Variants in VPS35L observed in about 807,000 individuals in gnomAD.
VPS35L encodes the protein VPS35 endosomal protein-sorting factor-like.
VPS35L carries 83 observed loss-of-function variants against 133.0 expected under a neutral mutation model. The observed-to-expected ratio is 0.62, with a 90% CI of 0.52 to 0.75. VPS35L has a LOEUF of 0.75. Among genes scored for constraint, VPS35L ranks in the 30% least tolerant of loss-of-function variants. The pLI is 0.00. For missense variants in VPS35L, 1,083 were observed against 1,206.8 expected, an observed-to-expected ratio of 0.90 and a Z score of 1.52; for synonymous variants, 423 against 449.9, an observed-to-expected ratio of 0.94 and a Z score of 0.76.
chr16:19,616,063 T>C, intron 12 of VPS35L, 51 bp from the exon 13 acceptor site: 1 of 1,402,552 alleles, frequency 7.1e-7, no homozygotes, highest in Non-Finnish European at 9.9e-7. Context: ...AAAAATAAAA[T>C]CATACTATAG....
chr16:19,689,403 C>T (rs900030084), intron 28 of VPS35L, among the ~76,000 whole-genome samples: 10 of 151,204 alleles, frequency 6.6e-5, no homozygotes, highest in Admixed American at 2.6e-4. Context: ...CCCAAGTAGC[C>T]GGGACTACAA....
chr16:19,557,119 G>C (rs1403685374), intron 1 of VPS35L, among the ~76,000 whole-genome samples: 1 of 152,018 alleles, frequency 6.6e-6, no homozygotes, highest in Non-Finnish European at 1.5e-5. Context: ...GCAACAGTGA[G>C]ACTCTGTCTC....
intron 13 of VPS35L, 119 bp from the exon 14 acceptor site, chr16:19,616,567 C>A: frequency 1.6e-6 from 2 of 1,231,600 alleles, no homozygotes; most frequent in Non-Finnish European, 2.2e-6. Flanking sequence ...AGAAACCAGG[C>A]TATTTCTCTC....
At chr16:19,632,027 T>A (rs1973472095) in intron 18 of VPS35L, among the ~76,000 whole-genome samples, 1 of 152,162 alleles carries the variant, frequency 6.6e-6, no homozygotes, top group African/African-American at 2.4e-5. Flanking sequence ...AGTGGCATGA[T>A]CTCAGCTCAC....
At chr16:19,677,832 G>C (rs1446306570) in intron 27 of VPS35L, among the ~76,000 whole-genome samples, 2 of 152,080 alleles carry the variant, frequency 1.3e-5, no homozygotes, top group African/African-American at 4.8e-5. Context: ...AAGAACATAC[G>C]AGCTCACCTG....
chr16:19,627,578 C>T, intron 15 of VPS35L, 116 bp from the exon 16 acceptor site: 8 of 791,716 alleles, frequency 1.0e-5, no homozygotes, highest in Admixed American at 8.7e-5. Flanking sequence ...TTTTGTTTTT[C>T]CCCAACCCTA....
chr16:19,616,383 T>C (rs539013452), intron 13 of VPS35L, among the ~76,000 whole-genome samples, 192 bp downstream of exon 13: 2 of 152,302 alleles, frequency 1.3e-5, no homozygotes, highest in African/African-American at 2.4e-5. Flanking sequence ...AGAAAGTTAA[T>C]ATGCATGTGT....
At chr16:19,610,458 C>CG in intron 12 of VPS35L, 43 bp downstream of exon 12, 1 of 1,514,942 alleles carries the variant, frequency 6.6e-7, no homozygotes, top group Non-Finnish European at 9.1e-7. Context: ...CGGCTGCCAC[C>CG]CGTCTCCTTG....
At chr16:19,590,134 G>A (rs1157988809) in intron 7 of VPS35L, among the ~76,000 whole-genome samples, 3 of 20,620 alleles carry the variant, frequency 1.5e-4, no homozygotes, top group Non-Finnish European at 2.0e-4. Context: ...TTACATTCCC[G>A]CCCCGCCCCC....
At chr16:19,574,827 G>A (rs1194555173) in intron 4 of VPS35L, among the ~76,000 whole-genome samples, 1 of 152,162 alleles carries the variant, frequency 6.6e-6, no homozygotes, top group Non-Finnish European at 1.5e-5. Context: ...AATGGCAGTA[G>A]TGTAGAGGGT....
chr16:19,681,006 A>C (rs1195960121), intron 27 of VPS35L, among the ~76,000 whole-genome samples: 1 of 151,400 alleles, frequency 6.6e-6, no homozygotes, highest in Non-Finnish European at 1.5e-5. Flanking sequence ...TAAAGAGCTA[A>C]TGTGTAAGAT....
intron 28 of VPS35L, among the ~76,000 whole-genome samples, chr16:19,691,049 C>G (rs866409553): frequency 1.3e-5 from 2 of 152,222 alleles, no homozygotes; most frequent in African/African-American, 2.4e-5. Context: ...AAGCCCTAGC[C>G]CAGTGCCTGG....
intron 26 of VPS35L, among the ~76,000 whole-genome samples, chr16:19,658,587 T>C (rs1385319474): frequency 6.6e-6 from 1 of 152,018 alleles, no homozygotes; most frequent in Non-Finnish European, 1.5e-5. Flanking sequence ...CTGTTTACAA[T>C]TATTACACTA....
chr16:19,595,069 A>G (rs534205842), intron 8 of VPS35L, among the ~76,000 whole-genome samples: 1 of 152,208 alleles, frequency 6.6e-6, no homozygotes, highest in East Asian at 1.9e-4. Context: ...CGATGAGATG[A>G]GCCCGGGAGA....
Position 19,700,593 on chromosome 16 carries a change from T to G in VPS35L, c.*117T>G, listed in dbSNP as rs1731238654. On this transcript the variant is annotated 3_prime_UTR_variant, in exon 31 of 31. Transcript: ENST00000417362. ...CTCATTTTTCTTTTCTTTTTACATA[T>G]GTACAAATTGTTTTAAGCTTTGGCC... 1.2e-6 allele frequency: 1 copy of G among 832,134 alleles called. No homozygotes were observed. Among genetic ancestry groups the G allele is most frequent in the Non-Finnish European group, 1.9e-6 (1 of 521,096 alleles). The allele number at this position is 832,134 out of a possible 1,614,324, so 51.5% of individuals were successfully genotyped here.
intron 26 of VPS35L, among the ~76,000 whole-genome samples, chr16:19,652,906 T>G (rs1231585178): frequency 6.6e-6 from 1 of 152,226 alleles, no homozygotes; most frequent in East Asian, 1.9e-4. Context: ...TAGGCAAGGA[T>G]GCTCAGGATC....
Position 19,697,631 on chromosome 16 carries a change from C to T in VPS35L, c.2647-1871C>T, listed in dbSNP as rs144653075. On this transcript the variant is annotated intron_variant, in intron 29 of 30. Transcript: ENST00000417362. ...ATCTGTGGAACGTTGGATGGATAGA[C>T]GGTTGATAAGTTGGTTTTAGCCACC... 4.3e-3 allele frequency among the ~76,000 whole-genome samples: 659 copies of T among 152,074 alleles called. 2 individuals are homozygous for T. Among genetic ancestry groups the T allele is most frequent in the African/African-American group, 0.015 (641 of 41,502 alleles).
intron 12 of VPS35L, among the ~76,000 whole-genome samples, chr16:19,615,745 G>GT (rs929000686): frequency 7.2e-5 from 11 of 152,012 alleles, no homozygotes; most frequent in African/African-American, 2.4e-4. Flanking sequence ...AGGGTGGGCA[G>GT]ATCATGAGGT....
chr16:19,557,675 A>C (rs865942629), intron 1 of VPS35L, among the ~76,000 whole-genome samples: 3 of 151,872 alleles, frequency 2.0e-5, no homozygotes, highest in Admixed American at 6.6e-5. Flanking sequence ...GAGCTACCAC[A>C]CCCGGCCCGT....
Sources: gnomAD v4.1 joint callset for allele counts (sites outside exome capture counted in the v4.1 genomes callset) on GRCh38, gnomAD v4.1.1 for gene constraint, MANE v1.5 for transcripts, NCBI Gene and HGNC (gene_info 2026-07-23, HGNC 2026-07-21) for gene names.